Variants in SPOCK3 observed in about 807,000 individuals in gnomAD.
The protein encoded by SPOCK3 is testican-3.
SPOCK3 carries 30 observed loss-of-function variants against 56.6 expected under a neutral mutation model. The observed-to-expected ratio is 0.53, with a 90% CI of 0.40 to 0.72. The LOEUF (loss-of-function observed/expected upper bound fraction) is 0.72. Ranked by LOEUF, SPOCK3 falls within the 30% of genes least tolerant of loss-of-function variation. The pLI is 0.00. For missense variants in SPOCK3, 527 were observed against 530.0 expected (o/e 0.99, Z 0.06); for synonymous variants, 196 against 183.3 (o/e 1.07, Z -0.56).
intron 8 of SPOCK3, among the ~76,000 whole-genome samples, chr4:166,747,253 G>A (rs546521964): frequency 9.6e-4 from 146 of 152,168 alleles, no homozygotes; most frequent in African/African-American, 3.3e-3. Context: ...CTGGCAAACC[G>A]AATCCAGCAG....
intron 4 of SPOCK3, among the ~76,000 whole-genome samples, chr4:166,921,769 T>C (rs1561011875): frequency 6.6e-6 from 1 of 152,208 alleles, no homozygotes. Flanking sequence ...TACTTATATA[T>C]TATTACTTAT....
rs540114687 is a variant in SPOCK3 at position 167,167,835 on chromosome 4, A to C, written c.189+66150T>G. Among the ~76,000 whole-genome samples, 20 of 152,252 alleles carry C rather than the reference A, an allele frequency of 1.3e-4. No homozygotes were observed. In the East Asian group the frequency reaches 3.5e-3, roughly 27 times the overall value. ...ATCGGTACCTTTAACATATGTATGA[A>C]TAGTAGTGATATGGTTTGGCTGTGA... On this transcript the variant is annotated intron_variant, in intron 2 of 10. Coordinates refer to ENST00000357545, the MANE Select transcript of SPOCK3 (RefSeq NM_001040159.2).
At chr4:166,806,139 T>C (rs2126707447) in intron 6 of SPOCK3, among the ~76,000 whole-genome samples, 1 of 152,230 alleles carries the variant, frequency 6.6e-6, no homozygotes, top group Non-Finnish European at 1.5e-5. Flanking sequence ...CTCATTGCTA[T>C]TTAAATTTCA....
intron 2 of SPOCK3, among the ~76,000 whole-genome samples, chr4:167,148,608 T>C (rs1466737576): frequency 6.6e-6 from 1 of 152,166 alleles, no homozygotes; most frequent in African/African-American, 2.4e-5. Flanking sequence ...ATAACTGATA[T>C]CTCTCTAAGC....
chr4:166,739,923 CAG>C (rs1204366306), intron 9 of SPOCK3, among the ~76,000 whole-genome samples: 8 of 152,094 alleles, frequency 5.3e-5, no homozygotes, highest in Admixed American at 2.6e-4. Context: ...ATTAGATAGA[CAG>C]AATATCATTA....
intron 6 of SPOCK3, among the ~76,000 whole-genome samples, chr4:166,852,892 G>T (rs963624808): frequency 6.6e-6 from 1 of 152,122 alleles, no homozygotes; most frequent in Admixed American, 6.5e-5. Context: ...ACATTTTATT[G>T]CTGGTATTAA....
In SPOCK3 at chr4:167,230,347, C is replaced by T. The variant is rs368016312; in HGVS notation, c.189+3638G>A. Reference sequence around the variant, plus strand: ...AGCTAATAATTCAGTTTCCTCATAACGATGCTGATTTCCAATTCTCCTAAT... The same window carrying T: ...AGCTAATAATTCAGTTTCCTCATAATGATGCTGATTTCCAATTCTCCTAAT... On this transcript the variant is annotated intron_variant, in intron 2 of 10. Coordinates refer to ENST00000357545, the MANE Select transcript of SPOCK3 (RefSeq NM_001040159.2). Among the ~76,000 whole-genome samples the T allele has an allele frequency of 1.2e-4, 18 of 151,742 alleles. No individual in the cohort carries two copies. The East Asian group carries it at 2.1e-3, about 18-fold the overall frequency.
chr4:167,092,381 A>G (rs7683298), intron 2 of SPOCK3, among the ~76,000 whole-genome samples: 9,506 of 152,106 alleles, frequency 0.062, 469 homozygotes, highest in African/African-American at 0.14. Flanking sequence ...AAGGGTCCCA[A>G]CCTGCTCCCT....
intron 3 of SPOCK3, among the ~76,000 whole-genome samples, chr4:167,054,322 G>A (rs1183723049): frequency 2.9e-4 from 44 of 152,130 alleles, no homozygotes; most frequent in Non-Finnish European, 4.4e-5. Flanking sequence ...ATTTATTTTT[G>A]AAAGCTACAG....
intron 2 of SPOCK3, among the ~76,000 whole-genome samples, chr4:167,159,935 T>C (rs1765141974): frequency 6.6e-6 from 1 of 152,112 alleles, no homozygotes; most frequent in Non-Finnish European, 1.5e-5. Context: ...GCCAATATCA[T>C]ACTGAATGGG....
intron 3 of SPOCK3, among the ~76,000 whole-genome samples, chr4:167,024,735 C>T (rs1751535404): frequency 6.6e-6 from 1 of 151,958 alleles, no homozygotes; most frequent in Admixed American, 6.6e-5. Context: ...AAAGACTACA[C>T]ATTGCGTGCA....
intron 2 of SPOCK3, among the ~76,000 whole-genome samples, chr4:167,192,959 C>A (rs1732602974): frequency 6.9e-6 from 1 of 145,660 alleles, no homozygotes; most frequent in Non-Finnish European, 1.5e-5. Context: ...TGGTAGAATA[C>A]GACACTTGAA....
At chr4:166,762,381 T>A (rs949891280) in intron 7 of SPOCK3, among the ~76,000 whole-genome samples, 9 of 152,120 alleles carry the variant, frequency 5.9e-5, no homozygotes, top group African/African-American at 1.9e-4. Context: ...AGATTTCTGG[T>A]GTGCCCTTGA....
chr4:166,888,401 A>G (rs1734424486), intron 6 of SPOCK3, among the ~76,000 whole-genome samples: 1 of 152,088 alleles, frequency 6.6e-6, no homozygotes, highest in Non-Finnish European at 1.5e-5. Context: ...TTTTGACTTA[A>G]GCATCTATTC....
rs1280782890 is a variant in SPOCK3, at chr4:167,116,909, GTGTGTATA to G, written c.190-54380_190-54373del. On this transcript the variant is annotated intron_variant, in intron 2 of 10. Transcript: ENST00000357545. ...TATACATATATACTTTTGTGTGTGT[GTGTGTATA>G]TATATATATATATATACTTTTGTGT... Among the ~76,000 whole-genome samples, 815 of 123,508 alleles carry G rather than the reference GTGTGTATA, an allele frequency of 6.6e-3. 10 individuals are homozygous for G. Among genetic ancestry groups the G allele is most frequent in the African/African-American group, 0.022 (767 of 35,598 alleles). The allele number at this position is 123,508 out of a possible 152,430, so 81.0% of individuals were successfully genotyped here.
intron 6 of SPOCK3, among the ~76,000 whole-genome samples, chr4:166,802,518 T>A (rs202000401): frequency 6.6e-6 from 1 of 152,100 alleles, no homozygotes; most frequent in African/African-American, 2.4e-5. Context: ...TATTGTTATG[T>A]TTTCACATGG....
At chr4:166,793,441 A>G (rs1163462453) in intron 6 of SPOCK3, among the ~76,000 whole-genome samples, 1 of 152,212 alleles carries the variant, frequency 6.6e-6, no homozygotes, top group Non-Finnish European at 1.5e-5. Context: ...ATAGCTGATG[A>G]GCTGAAAAAA....
At chr4:167,178,374 C>G (rs1731163387) in intron 2 of SPOCK3, among the ~76,000 whole-genome samples, 1 of 152,142 alleles carries the variant, frequency 6.6e-6, no homozygotes, top group African/African-American at 2.4e-5. Context: ...CAGACTCTTA[C>G]TATACATTGA....
intron 2 of SPOCK3, among the ~76,000 whole-genome samples, chr4:167,138,745 C>G (rs1324500184): frequency 6.6e-6 from 1 of 151,594 alleles, no homozygotes; most frequent in Non-Finnish European, 1.5e-5. Flanking sequence ...GGAAAAGATA[C>G]CCTAAAAAAT....
Sources: allele counts gnomAD v4.1 joint callset (sites outside exome capture counted in the v4.1 genomes callset), GRCh38; gene constraint gnomAD v4.1.1; transcripts MANE v1.5; gene names NCBI Gene and HGNC (gene_info 2026-07-23, HGNC 2026-07-21).